The following SLC44A3 variants were observed in gnomAD, a reference collection of about 807,000 sequenced individuals.
SLC44A3 encodes choline transporter-like protein 3.
In SLC44A3, 74 loss-of-function variants were observed where a neutral mutation model predicts 75.4. The observed-to-expected ratio is 0.98, with a 90% CI of 0.81 to 1.19. The LOEUF is 1.19. Ranked by LOEUF, SLC44A3 falls within the 50% of genes most tolerant of loss-of-function variation. The pLI is 0.00. For missense variants in SLC44A3, 700 were observed against 778.6 expected (o/e 0.90, Z 1.20); for synonymous variants, 310 against 296.9 (o/e 1.04, Z -0.45).
intron 12 of SLC44A3, among the ~76,000 whole-genome samples, chr1:94,881,379 G>A (rs1668950583): frequency 1.3e-5 from 2 of 152,150 alleles, no homozygotes; most frequent in South Asian, 4.1e-4. Context: ...CCTCAGTTCT[G>A]GGCTTCAAAT....
chr1:94,820,552 T>C, intron 1 of SLC44A3, 74 bp downstream of exon 1: 1 of 1,449,510 alleles, frequency 6.9e-7, no homozygotes, highest in Non-Finnish European at 9.1e-7. Flanking sequence ...TCACGCACCT[T>C]CCCTGCCGGA....
At chr1:94,886,977 A>G (rs760586462) in intron 12 of SLC44A3, among the ~76,000 whole-genome samples, 34 of 151,998 alleles carry the variant, frequency 2.2e-4, no homozygotes, top group Non-Finnish European at 4.4e-4. Context: ...ATGCACACTG[A>G]ATTTTGGGAA....
At chr1:94,856,821 C>A (rs1275714740) in intron 9 of SLC44A3, among the ~76,000 whole-genome samples, 1 of 152,088 alleles carries the variant, frequency 6.6e-6, no homozygotes, top group Non-Finnish European at 1.5e-5. Flanking sequence ...ACCCTCGCCT[C>A]CCAGGTTCAA....
chr1:94,837,711 C>G lies in SLC44A3; in HGVS notation c.510C>G (p.Ser170Arg), dbSNP rs1663010763. ...GCCATCTTTTTTTCTCTATTTTTAGCAAGTCATTTCCCTTATTTAACCGAT... is the reference window on the plus strand; with the variant it reads ...GCCATCTTTTTTTCTCTATTTTTAGGAAGTCATTTCCCTTATTTAACCGAT... ...SLCPRLPVPP[S>R]KSFPLFNRCV... Residue 170 changes from serine (S) to arginine (R), a missense_variant and splice_region_variant, in exon 6 of 15, where the codon AGC becomes AGG. Coordinates refer to ENST00000271227, the MANE Select transcript of SLC44A3 (RefSeq NM_001114106.3). The G allele has an allele frequency of 1.9e-6, 3 of 1,549,964 alleles. No individual in the cohort carries two copies. In the East Asian group the frequency reaches 7.1e-5, roughly 36 times the overall value.
chr1:94,861,569 A>G (rs1041806258), intron 10 of SLC44A3, among the ~76,000 whole-genome samples: 7 of 152,242 alleles, frequency 4.6e-5, no homozygotes, highest in African/African-American at 1.7e-4. Context: ...TAGCACAACT[A>G]TTGCATTTAT....
At chr1:94,842,550 T>C (rs1037564031) in intron 8 of SLC44A3, among the ~76,000 whole-genome samples, 4 of 152,240 alleles carry the variant, frequency 2.6e-5, no homozygotes, top group Non-Finnish European at 5.9e-5. Flanking sequence ...CTGGGTTATT[T>C]TGGTGTTCAG....
chr1:94,820,443 G>T lies in SLC44A3; in HGVS notation c.-9G>T, dbSNP rs777300946. The T allele has an allele frequency of 4.1e-6, 6 of 1,454,690 alleles. No individual in the cohort carries two copies. The highest frequency in any genetic ancestry group is 4.0e-5 in the South Asian group (3 of 75,382). The allele number at this position is 1,454,690 out of a possible 1,614,324, so 90.1% of individuals were successfully genotyped here. ...CTCCCAGTCACCGGCCCCCGCCGGC[G>T]AGCGCACGATGCACTGCCTGGGCGC... On this transcript the variant is annotated 5_prime_UTR_variant, in exon 1 of 15. Transcript: ENST00000271227.
chr1:94,876,810 G>A (rs1340098103), intron 12 of SLC44A3, among the ~76,000 whole-genome samples: 7 of 152,162 alleles, frequency 4.6e-5, no homozygotes. Context: ...CTGGACGGGT[G>A]GAAAATTTAA....
chr1:94,861,390 C>A (rs1443535741), intron 10 of SLC44A3, among the ~76,000 whole-genome samples: 1 of 151,988 alleles, frequency 6.6e-6, no homozygotes, highest in Admixed American at 6.5e-5. Context: ...AGTGAGTTCT[C>A]TAATAACAAC....
chr1:94,827,659 T>A lies in SLC44A3; in HGVS notation c.415+16T>A. The A allele has an allele frequency of 6.2e-7, 1 of 1,613,246 alleles. No individual in the cohort carries two copies. Among genetic ancestry groups the A allele is most frequent in the Non-Finnish European group, 8.5e-7 (1 of 1,179,290 alleles). ...AACACCAGTGGTAGGCACTAAGGCCTGGTTTGTTCTTTTCCCCATGATGGG... is the reference window on the plus strand; with the variant it reads ...AACACCAGTGGTAGGCACTAAGGCCAGGTTTGTTCTTTTCCCCATGATGGG... On this transcript the variant is annotated intron_variant, in intron 4 of 14. Coordinates refer to ENST00000271227, the MANE Select transcript of SLC44A3 (RefSeq NM_001114106.3).
chr1:94,892,376 T>A lies in SLC44A3; in HGVS notation c.1716T>A (p.Ala572=), dbSNP rs1670312953. Reference sequence around the variant, plus strand: ...GGGCAGTCCCTCTGTTATTGGTAGCTTTTTTTGCCTACTTAGTAGCCCATA... The same window carrying A: ...GGGCAGTCCCTCTGTTATTGGTAGCATTTTTTGCCTACTTAGTAGCCCATA... ...QVWAVPLLLV[A]FFAYLVAHSF... The change falls in exon 14 of 15, where the codon GCT becomes GCA. Residue 572 remains alanine, a synonymous_variant. Transcript: ENST00000271227. 1 of 1,613,972 alleles carries A rather than the reference T, an allele frequency of 6.2e-7. No homozygotes were observed. The highest frequency in any genetic ancestry group is 1.3e-5 in the African/African-American group (1 of 74,904).
chr1:94,822,528 G>A (rs1660752014), intron 2 of SLC44A3, among the ~76,000 whole-genome samples: 4 of 140,390 alleles, frequency 2.8e-5, no homozygotes, highest in African/African-American at 1.0e-4. Context: ...CAGCTTTCAG[G>A]TCTTGTGACA....
Position 94,862,714 on chromosome 1 carries a change from G to A in SLC44A3, c.1239-2029G>A, listed in dbSNP as rs567062316. 2.1e-3 allele frequency among the ~76,000 whole-genome samples: 326 copies of A among 152,274 alleles called. 6 individuals are homozygous for A. Among genetic ancestry groups the A allele is most frequent in the South Asian group, 0.021 (101 of 4,818 alleles). ...CACTACCCACAGAATTGGGGTGGAT[G>A]TGGTCCAGTGGGAAGATCTAGAGAG... On this transcript the variant is annotated intron_variant, in intron 10 of 14. Transcript: ENST00000271227.
rs554482957 is a variant in SLC44A3, at chr1:94,833,278, C to A, written c.510-4433C>A. 8.5e-5 allele frequency among the ~76,000 whole-genome samples: 13 copies of A among 152,314 alleles called. No homozygotes were observed. The East Asian group carries it at 2.5e-3, about 29-fold the overall frequency. On this transcript the variant is annotated intron_variant, in intron 5 of 14. Transcript: ENST00000271227. ...TGGGCTTGGGAGATGTCCCGGCCAG[C>A]TCTTTCCCTCATGGGCATGTTTTGG... is the stretch of plus-strand genomic sequence containing the variant.
chr1:94,873,545 T>C (rs1301949584), intron 12 of SLC44A3, among the ~76,000 whole-genome samples: 2 of 152,164 alleles, frequency 1.3e-5, no homozygotes, highest in Non-Finnish European at 2.9e-5. Flanking sequence ...GCCAAGACTG[T>C]TTTTAGTGAA....
intron 12 of SLC44A3, among the ~76,000 whole-genome samples, chr1:94,881,909 G>A (rs859078): frequency 0.8 from 121,403 of 150,812 alleles, 48,986 homozygotes; most frequent in South Asian, 0.87. Context: ...AGTCCCAGCT[G>A]CTCAGGAGGC....
At chr1:94,850,226 C>T (rs1200590724) in intron 9 of SLC44A3, among the ~76,000 whole-genome samples, 1 of 152,130 alleles carries the variant, frequency 6.6e-6, no homozygotes, top group Non-Finnish European at 1.5e-5. Flanking sequence ...ATCAAGCCCC[C>T]ATCTTGCACC....
intron 12 of SLC44A3, among the ~76,000 whole-genome samples, chr1:94,885,779 C>T (rs1016794390): frequency 2.0e-5 from 3 of 152,056 alleles, no homozygotes; most frequent in East Asian, 1.9e-4. Context: ...TGAATGTGTT[C>T]GGGGAGAGGT....
intron 11 of SLC44A3, 92 bp from the exon 12 acceptor site, chr1:94,867,239 T>G (rs1387243953): frequency 9.3e-7 from 1 of 1,072,880 alleles, no homozygotes; most frequent in African/African-American, 1.6e-5. Flanking sequence ...CCCAGGTGCA[T>G]AAGTAAAAAC....
Sources: gnomAD v4.1 joint callset for allele counts (sites outside exome capture counted in the v4.1 genomes callset) on GRCh38, gnomAD v4.1.1 for gene constraint, MANE v1.5 for transcripts, NCBI Gene and HGNC (gene_info 2026-07-23, HGNC 2026-07-21) for gene names.